PLPP3: variants seen among roughly 807,000 people sequenced by gnomAD.
PLPP3 encodes the protein phospholipid phosphatase 3, also known as PAP2 beta.
PLPP3 carries 6 observed loss-of-function variants against 29.6 expected under a neutral mutation model. The ratio of observed to expected loss-of-function variants is 0.20; its 90% CI spans 0.11 to 0.40. The LOEUF (loss-of-function observed/expected upper bound fraction) is 0.40, where lower values mean the gene tolerates loss of function less well. Among genes scored for constraint, PLPP3 ranks in the 10% least tolerant of loss-of-function variants. The probability of loss-of-function intolerance (pLI) is 1.00; values close to 1 mark genes in which losing one functional copy is unlikely to be tolerated. For missense variants in PLPP3, 308 were observed against 407.7 expected (o/e 0.76, Z 2.11); for synonymous variants, 152 against 159.7 (o/e 0.95, Z 0.36).
At chr1:56,541,568 C>G (rs920690129) in intron 1 of PLPP3, among the ~76,000 whole-genome samples, 1 of 152,046 alleles carries the variant, frequency 6.6e-6, no homozygotes, top group African/African-American at 2.4e-5. Flanking sequence ...ATAGGATAAA[C>G]AGTCATAAAA....
At chr1:56,559,784 A>T (rs900096081) in intron 1 of PLPP3, among the ~76,000 whole-genome samples, 7 of 152,178 alleles carry the variant, frequency 4.6e-5, no homozygotes, top group Admixed American at 4.6e-4. Context: ...TTTCCAAGAC[A>T]GTTAATATCT....
chr1:56,552,999 C>T (rs1488680854), intron 1 of PLPP3, among the ~76,000 whole-genome samples: 1 of 152,112 alleles, frequency 6.6e-6, no homozygotes, highest in Non-Finnish European at 1.5e-5. Flanking sequence ...AGAGAAGAGG[C>T]TAGACTAGCT....
intron 1 of PLPP3, among the ~76,000 whole-genome samples, chr1:56,562,715 A>T (rs12059843): frequency 0.058 from 8,828 of 152,278 alleles, 684 homozygotes; most frequent in African/African-American, 0.17. Context: ...GGAGGCAAGA[A>T]CAGCATCAAG....
intron 2 of PLPP3, among the ~76,000 whole-genome samples, chr1:56,526,186 C>G (rs1299544960): frequency 2.6e-5 from 4 of 152,182 alleles, no homozygotes; most frequent in African/African-American, 4.8e-5. Flanking sequence ...TGCATAGATG[C>G]TCAAAGACTA....
At chr1:56,520,716 G>C (rs1645812814) in intron 4 of PLPP3, among the ~76,000 whole-genome samples, 1 of 151,620 alleles carries the variant, frequency 6.6e-6, no homozygotes, top group African/African-American at 2.4e-5. Flanking sequence ...TTCAAGACCA[G>C]CCTGGCCAAC....
rs763944383 is a variant in PLPP3 at position 56,536,945 on chromosome 1, G to A, written c.297+10C>T. The A allele has an allele frequency of 6.2e-7, 1 of 1,613,392 alleles. No homozygotes were observed. Among genetic ancestry groups the A allele is most frequent in the South Asian group, 1.1e-5 (1 of 91,012 alleles). ...GACAGGATCCACCATAGCAGAGTCT[G>A]GACACTTACCGCGAGGATGGCAATG... is the stretch of plus-strand genomic sequence containing the variant. On this transcript the variant is annotated intron_variant, in intron 2 of 5. Transcript: ENST00000371250.
At chr1:56,512,296 A>T (rs1174573882) in intron 4 of PLPP3, 144 bp from the exon 5 acceptor site, 1 of 753,558 alleles carries the variant, frequency 1.3e-6, no homozygotes, top group Non-Finnish European at 2.0e-6. Context: ...CAATTTGAAC[A>T]TGACCTCAAG....
intron 1 of PLPP3, 86 bp downstream of exon 1, chr1:56,578,792 C>T: frequency 2.4e-6 from 3 of 1,259,598 alleles, no homozygotes; most frequent in Non-Finnish European, 2.0e-6. Context: ...CGGCGCGGCG[C>T]GGCGCTGCGC....
chr1:56,546,138 A>G (rs1372204490), intron 1 of PLPP3, among the ~76,000 whole-genome samples: 3 of 152,246 alleles, frequency 2.0e-5, no homozygotes, highest in Non-Finnish European at 4.4e-5. Context: ...TTCTTAAACC[A>G]GCTCTAAAGT....
intron 1 of PLPP3, among the ~76,000 whole-genome samples, chr1:56,570,492 A>G (rs1646190521): frequency 6.6e-6 from 1 of 152,254 alleles, no homozygotes; most frequent in African/African-American, 2.4e-5. Flanking sequence ...AAGGTTTCCA[A>G]AAGAGTCTGA....
intron 5 of PLPP3, among the ~76,000 whole-genome samples, chr1:56,500,537 T>G (rs1645660156): frequency 6.6e-6 from 1 of 152,208 alleles, no homozygotes; most frequent in East Asian, 1.9e-4. Flanking sequence ...ATCCAGGAGC[T>G]GCAGGAAGCT....
chr1:56,557,058 GAA>G lies in PLPP3; in HGVS notation c.140-19948_140-19947del, dbSNP rs1491154044. Among the ~76,000 whole-genome samples the G allele has an allele frequency of 3.5e-4, 37 of 106,684 alleles. 4 individuals carry two copies. In the East Asian group the frequency reaches 4.0e-3, roughly 12 times the overall value. The allele number at this position is 106,684 out of a possible 152,430, so 70.0% of individuals were successfully genotyped here. On this transcript the variant is annotated intron_variant, in intron 1 of 5. Coordinates refer to ENST00000371250, the MANE Select transcript of PLPP3 (RefSeq NM_003713.5). ...AGAGAGAGAGAGAGAGAGAGAGAGA[GAA>G]AGAAAGAAAGAAAGAAAAAATGAGA...
chr1:56,522,668 A>AT (rs2100247566), intron 4 of PLPP3, among the ~76,000 whole-genome samples: 1 of 150,188 alleles, frequency 6.7e-6, no homozygotes, highest in African/African-American at 2.5e-5. Context: ...CTTAGAAAGG[A>AT]TTGGGGGGAA....
chr1:56,532,464 T>C (rs1163545595), intron 2 of PLPP3, among the ~76,000 whole-genome samples: 1 of 151,326 alleles, frequency 6.6e-6, no homozygotes, highest in African/African-American at 2.4e-5. Flanking sequence ...CTCTTGTAGA[T>C]AAAGGGAGAT....
chr1:56,518,999 AAAG>A (rs1481924120), intron 4 of PLPP3, among the ~76,000 whole-genome samples: 2 of 152,084 alleles, frequency 1.3e-5, no homozygotes, highest in East Asian at 1.9e-4. Flanking sequence ...AAAGGCTTCT[AAAG>A]AAGGTGGGTG....
intron 5 of PLPP3, among the ~76,000 whole-genome samples, chr1:56,497,695 T>A (rs1645639320): frequency 6.6e-6 from 1 of 152,220 alleles, no homozygotes; most frequent in Admixed American, 6.5e-5. Context: ...ATGACAGCAC[T>A]GTGGTTTCAC....
chr1:56,513,131 A>G (rs1254158501), intron 4 of PLPP3: 1 of 152,576 alleles, frequency 6.6e-6, no homozygotes, highest in African/African-American at 2.4e-5. Context: ...GGGAATTTTC[A>G]AATAGAAGTT....
chr1:56,544,112 G>A (rs1645988985), intron 1 of PLPP3, among the ~76,000 whole-genome samples: 2 of 152,166 alleles, frequency 1.3e-5, no homozygotes, highest in South Asian at 2.1e-4. Context: ...CACCATGGGC[G>A]TTAAAAAGAA....
rs1291451737 is a variant in PLPP3, at chr1:56,495,504, G to C, written c.*1047C>G. 6.5e-6 allele frequency: 1 copy of C among 152,702 alleles called. No individual in the cohort carries two copies. The highest frequency in any genetic ancestry group is 2.4e-5 in the African/African-American group (1 of 41,458). The allele number at this position is 152,702 out of a possible 1,614,324, so 9.5% of individuals were successfully genotyped here. On this transcript the variant is annotated 3_prime_UTR_variant, in exon 6 of 6. Coordinates refer to ENST00000371250, the MANE Select transcript of PLPP3 (RefSeq NM_003713.5). ...AGAGCAACTCCTACAAAGACCCTCA[G>C]CTCTGTCATCCTGAAGGGTAACCTC...
Sources: allele counts gnomAD v4.1 joint callset (sites outside exome capture counted in the v4.1 genomes callset), GRCh38; gene constraint gnomAD v4.1.1; transcripts MANE v1.5; gene names NCBI Gene and HGNC (gene_info 2026-07-23, HGNC 2026-07-21).